The following PRDM12 variants were observed in gnomAD, a reference collection of about 807,000 sequenced individuals.
The protein encoded by PRDM12 is PR domain zinc finger protein 12.
Under a neutral mutation model 29.6 loss-of-function variants are expected in PRDM12, and 17 were observed. The observed-to-expected ratio is 0.57, with a 90% CI of 0.39 to 0.86. The LOEUF is 0.86. PRDM12 is among the 40% of genes least tolerant of loss of function. PRDM12 has a pLI of 0.00. For synonymous variants in PRDM12, 231 were observed against 225.8 expected, an observed-to-expected ratio of 1.02 and a Z score of -0.21; for missense variants, 422 against 510.8, an observed-to-expected ratio of 0.83 and a Z score of 1.68.
intron 3 of PRDM12, among the ~76,000 whole-genome samples, chr9:130,677,479 C>T (rs879322703): frequency 2.0e-5 from 3 of 152,244 alleles, no homozygotes; most frequent in Admixed American, 6.5e-5. Context: ...AAGGACCTGC[C>T]AGGAAAACAA....
chr9:130,668,177 C>T lies in PRDM12; in HGVS notation c.434C>T (p.Thr145Met), dbSNP rs147403234. ...LMWEVFNEDGTVRYFIDASQE... is the reference protein window; with the variant it reads ...LMWEVFNEDGMVRYFIDASQE... ...GCCCAGGTGTTCAATGAGGATGGCA[C>T]GGTGCGCTACTTCATCGATGCCAGC... is the stretch of plus-strand genomic sequence containing the variant. The change falls in exon 3 of 5, where the codon ACG (threonine) becomes ATG (methionine). Residue 145 changes from threonine to methionine, a missense_variant. Around this residue, in one of 5 missense-constraint regions of PRDM12, gnomAD observed 300 missense variants for 350.0 expected, o/e 0.86. Coordinates refer to ENST00000253008, the MANE Select transcript of PRDM12 (RefSeq NM_021619.3). This position sits in a 1 kb window ranked among gnomAD's most constrained non-coding sequence, Gnocchi z 4.0. The T allele has an allele frequency of 1.6e-5, 26 of 1,614,044 alleles. 1 individual carries two copies. Among genetic ancestry groups the T allele is most frequent in the South Asian group, 6.6e-5 (6 of 91,090 alleles).
chr9:130,674,490 ATT>A (rs1491306022), intron 3 of PRDM12, among the ~76,000 whole-genome samples: 5 of 59,670 alleles, frequency 8.4e-5, no homozygotes, highest in South Asian at 6.0e-4. Context: ...TTAAAAGATA[ATT>A]TGTGTGTGTG....
Position 130,664,646 on chromosome 9 carries a change from G to T in PRDM12, c.-8G>T, listed in dbSNP as rs767914415. The T allele has an allele frequency of 1.3e-6, 2 of 1,561,446 alleles. No homozygotes were observed. The highest frequency in any genetic ancestry group is 2.7e-5 in the African/African-American group (2 of 73,246). ...CGTCCCCCGGCGCCGGGGAGCTCCG[G>T]GCCGCCCATGATGGGCTCCGTGCTC... On this transcript the variant is annotated 5_prime_UTR_variant, in exon 1 of 5. Coordinates refer to ENST00000253008, the MANE Select transcript of PRDM12 (RefSeq NM_021619.3). The surrounding 1 kb of genome is among the most constrained non-coding windows in gnomAD (Gnocchi z 6.4).
rs748893320 is a variant in PRDM12, at chr9:130,664,835, C to T, written c.182C>T (p.Thr61Ile). The change falls in exon 1 of 5, where the codon ACA becomes ATA. Residue 61 changes from threonine to isoleucine, a missense_variant. Thr to Ile is a moderately conservative substitution (Grantham distance 89). This residue lies in a region of PRDM12 where 300 missense variants were observed against 350.0 expected (regional missense o/e 0.86). Coordinates refer to ENST00000253008, the MANE Select transcript of PRDM12 (RefSeq NM_021619.3). The surrounding 1 kb of genome is among the most constrained non-coding windows in gnomAD (Gnocchi z 6.4). Reference sequence around the variant, plus strand: ...AAGAGCCACCACGCCAGCCCCAAGACAGCCTTCACCGCCGAGGTGCTGGCG... The same window carrying T: ...AAGAGCCACCACGCCAGCCCCAAGATAGCCTTCACCGCCGAGGTGCTGGCG... ...EDKSHHASPKTAFTAEVLAQS... is the reference protein window; with the variant it reads ...EDKSHHASPKIAFTAEVLAQS... 5.2e-6 allele frequency: 8 copies of T among 1,552,950 alleles called. No homozygotes were observed. In the South Asian group the frequency reaches 9.4e-5, roughly 18 times the overall value.
chr9:130,666,929 C>T, intron 2 of PRDM12, 131 bp downstream of exon 2: 1 of 1,259,544 alleles, frequency 7.9e-7, no homozygotes, highest in Non-Finnish European at 1.1e-6. Context: ...CTGGACGCCC[C>T]CTGAGCCGGG....
chr9:130,668,342 A>T lies in PRDM12; in HGVS notation c.570+29A>T. 2.5e-6 allele frequency: 4 copies of T among 1,608,612 alleles called. No homozygotes were observed. The highest frequency in any genetic ancestry group is 3.4e-6 in the Non-Finnish European group (4 of 1,176,484). On this transcript the variant is annotated intron_variant, in intron 3 of 4. Transcript: ENST00000253008. The surrounding 1 kb of genome is among the most constrained non-coding windows in gnomAD (Gnocchi z 4.0). ...TGTGTGTGTGTGTGCACTGTTGTGT[A>T]GGGACCAGCCGGTAAACCCGGCGGG...
intron 1 of PRDM12, among the ~76,000 whole-genome samples, chr9:130,666,318 C>T (rs1223630746): frequency 6.6e-6 from 1 of 152,188 alleles, no homozygotes; most frequent in Non-Finnish European, 1.5e-5. Flanking sequence ...GAAGAAGTTG[C>T]GAATGCTTTG....
chr9:130,676,883 C>T (rs891057840), intron 3 of PRDM12, among the ~76,000 whole-genome samples: 6 of 151,960 alleles, frequency 3.9e-5, no homozygotes, highest in Non-Finnish European at 8.8e-5. Context: ...CTGTTCCCAC[C>T]CCTTTTCTTT....
intron 3 of PRDM12, among the ~76,000 whole-genome samples, chr9:130,677,114 A>G (rs1830849997): frequency 6.6e-6 from 1 of 152,140 alleles, no homozygotes. Flanking sequence ...TTGTAGAGAC[A>G]GGGTTTTGCT....
At chr9:130,667,892 G>T (rs919718692) in intron 2 of PRDM12, among the ~76,000 whole-genome samples, 8 of 152,180 alleles carry the variant, frequency 5.3e-5, no homozygotes, top group African/African-American at 1.9e-4. Flanking sequence ...CTTCTTCTGG[G>T]GGTAGGGAGG....
chr9:130,673,358 G>A (rs1348635413), intron 3 of PRDM12, among the ~76,000 whole-genome samples: 1 of 152,184 alleles, frequency 6.6e-6, no homozygotes, highest in Non-Finnish European at 1.5e-5. Flanking sequence ...TTGATGGCGG[G>A]TGCCTGGGAG....
chr9:130,666,530 G>T (rs1588184089), intron 1 of PRDM12, 78 bp from the exon 2 acceptor site: 1 of 1,547,106 alleles, frequency 6.5e-7, no homozygotes, highest in East Asian at 2.4e-5. Flanking sequence ...GACCGAAGCC[G>T]GGGTCCCGGC....
At chr9:130,674,749 A>T (rs1177751520) in intron 3 of PRDM12, among the ~76,000 whole-genome samples, 1 of 152,168 alleles carries the variant, frequency 6.6e-6, no homozygotes, top group Non-Finnish European at 1.5e-5. Flanking sequence ...ATGTTTATAC[A>T]ATGCGGTCCA....
rs1830717842 is a variant in PRDM12, at chr9:130,664,945, C to A, written c.223+69C>A. The stretch of plus-strand genomic sequence containing the variant: ...GACCCCCATTCCCGTCCTGGCGATG[C>A]GCGAGACGCGGCTGGGATACCCGGC... On this transcript the variant is annotated intron_variant, in intron 1 of 4. Coordinates refer to ENST00000253008, the MANE Select transcript of PRDM12 (RefSeq NM_021619.3). This position sits in a 1 kb window ranked among gnomAD's most constrained non-coding sequence, Gnocchi z 6.4. The A allele has an allele frequency of 1.4e-6, 2 of 1,406,426 alleles. No homozygotes were observed. Among genetic ancestry groups the A allele is most frequent in the Non-Finnish European group, 1.9e-6 (2 of 1,053,866 alleles). The allele number at this position is 1,406,426 out of a possible 1,614,324, so 87.1% of individuals were successfully genotyped here.
At chr9:130,676,632 A>G (rs1372710599) in intron 3 of PRDM12, among the ~76,000 whole-genome samples, 1 of 152,162 alleles carries the variant, frequency 6.6e-6, no homozygotes, top group Non-Finnish European at 1.5e-5. Flanking sequence ...ATGAGCAGAG[A>G]GGTCACCAGG....
chr9:130,673,734 C>T (rs1307194736), intron 3 of PRDM12, among the ~76,000 whole-genome samples: 1 of 139,038 alleles, frequency 7.2e-6, no homozygotes, highest in Non-Finnish European at 1.5e-5. Context: ...TGCAATGATG[C>T]CATCTTGGCT....
chr9:130,680,659 A>ATTTTTTTTTTT (rs767033169), intron 4 of PRDM12, among the ~76,000 whole-genome samples: 19 of 72,158 alleles, frequency 2.6e-4, no homozygotes, highest in African/African-American at 1.4e-3. Flanking sequence ...ATATATATAT[A>ATTTTTTTTTTT]TTTTTTTTTT....
intron 3 of PRDM12, among the ~76,000 whole-genome samples, chr9:130,678,295 G>A (rs1307881374): frequency 6.6e-6 from 1 of 151,892 alleles, no homozygotes; most frequent in Non-Finnish European, 1.5e-5. Flanking sequence ...CCTGTGGCTG[G>A]AGCTTGGACA....
chr9:130,679,395 T>G (rs1388725294), intron 4 of PRDM12, among the ~76,000 whole-genome samples: 1 of 145,522 alleles, frequency 6.9e-6, no homozygotes, highest in Non-Finnish European at 1.5e-5. Flanking sequence ...CGCAGTGGCG[T>G]GATCTTGGCT....
Sources: allele counts gnomAD v4.1 joint callset (sites outside exome capture counted in the v4.1 genomes callset), GRCh38; gene constraint gnomAD v4.1.1; regional missense constraint gnomAD v4.1.1; non-coding constraint Gnocchi (gnomAD v3.1); transcripts MANE v1.5; gene names NCBI Gene and HGNC (gene_info 2026-07-23, HGNC 2026-07-21).